Variants in NTRK3 observed in about 807,000 individuals in gnomAD.
NTRK3 encodes the protein neurotrophic receptor tyrosine kinase 3, also known as NT-3 growth factor receptor.
Under a neutral mutation model 91.7 loss-of-function variants are expected in NTRK3, and 24 were observed. That is an observed-to-expected ratio of 0.26 (90% CI 0.19 to 0.37). The LOEUF (loss-of-function observed/expected upper bound fraction) is 0.37, where lower values mean the gene tolerates loss of function less well. Ranked by LOEUF, NTRK3 falls within the 10% of genes least tolerant of loss-of-function variation. The pLI, the probability that NTRK3 is intolerant of heterozygous loss-of-function variation, is 1.00. For missense variants in NTRK3, 880 were observed against 1,068.9 expected, an observed-to-expected ratio of 0.82 and a Z score of 2.46; for synonymous variants, 483 against 404.0, an observed-to-expected ratio of 1.20 and a Z score of -2.34.
intron 13 of NTRK3, among the ~76,000 whole-genome samples, chr15:88,063,508 G>A (rs971989057): frequency 6.6e-6 from 1 of 152,212 alleles, no homozygotes; most frequent in African/African-American, 2.4e-5. Context: ...GTGTCTCTCT[G>A]CTGTGATCGC....
chr15:88,169,247 G>A (rs1171240070), intron 5 of NTRK3, among the ~76,000 whole-genome samples: 1 of 152,170 alleles, frequency 6.6e-6, no homozygotes, highest in Non-Finnish European at 1.5e-5. Flanking sequence ...AAGAACATCA[G>A]AGGCACATTT....
intron 3 of NTRK3, among the ~76,000 whole-genome samples, chr15:88,212,854 A>T (rs186156385): frequency 6.6e-6 from 1 of 152,274 alleles, no homozygotes; most frequent in East Asian, 1.9e-4. Context: ...CCCATGCCTG[A>T]AGGGGAAATG....
In NTRK3 at chr15:88,235,300, C is replaced by A. The variant is rs2051598332; in HGVS notation, c.248+20606G>T. ...GGCCTGTGTCGCTGTCTACCCTACC[C>A]ACAATAGCCTCCAGGCTCTGAGCTG... On this transcript the variant is annotated intron_variant, in intron 3 of 18. Coordinates refer to ENST00000394480, the Ensembl canonical transcript of NTRK3. The surrounding 1 kb of genome is among the most constrained non-coding windows in gnomAD (Gnocchi z 5.2). Among the ~76,000 whole-genome samples, 1 of 152,220 alleles carries A rather than the reference C, an allele frequency of 6.6e-6. No individual in the cohort carries two copies. Among genetic ancestry groups the A allele is most frequent in the Non-Finnish European group, 1.5e-5 (1 of 68,046 alleles).
intron 3 of NTRK3, among the ~76,000 whole-genome samples, chr15:88,204,395 T>C (rs895117176): frequency 1.5e-5 from 1 of 67,988 alleles, no homozygotes; most frequent in East Asian, 5.1e-4. Flanking sequence ...CCACTGTCTA[T>C]AAAAAAATCA....
chr15:87,978,244 G>A (rs2073900565), intron 14 of NTRK3: 1 of 231,092 alleles, frequency 4.3e-6, no homozygotes, highest in Non-Finnish European at 8.6e-6. Context: ...GGGAGAGGGT[G>A]GCCATGGAGT....
At chr15:88,120,469 T>C (rs1258109048) in intron 13 of NTRK3, among the ~76,000 whole-genome samples, 1 of 152,244 alleles carries the variant, frequency 6.6e-6, no homozygotes, top group African/African-American at 2.4e-5. Context: ...AGGCAAGTGG[T>C]TGCTGATGAG....
intron 8 of NTRK3, 44 bp from the exon 9 acceptor site, chr15:88,136,084 AGGATGGC>A: frequency 6.2e-7 from 1 of 1,611,766 alleles, no homozygotes; most frequent in Non-Finnish European, 8.5e-7. Flanking sequence ...AGCTTCTACA[AGGATGGC>A]TCTGCTACCT....
intron 13 of NTRK3, among the ~76,000 whole-genome samples, chr15:88,034,730 C>T (rs1438342061): frequency 3.3e-5 from 5 of 152,162 alleles, no homozygotes; most frequent in Admixed American, 1.3e-4. Flanking sequence ...AAATGGAGGA[C>T]CCTGAATTCC....
intron 14 of NTRK3, among the ~76,000 whole-genome samples, chr15:87,975,369 G>A (rs144280244): frequency 8.9e-4 from 136 of 152,240 alleles, no homozygotes; most frequent in African/African-American, 2.8e-3. Context: ...TCCAGGGAGC[G>A]CCTGGCAAGC....
At chr15:88,067,607 A>G (rs561199370) in intron 13 of NTRK3, among the ~76,000 whole-genome samples, 2 of 152,334 alleles carry the variant, frequency 1.3e-5, no homozygotes, top group South Asian at 4.1e-4. Flanking sequence ...GGGAAAACCA[A>G]GAGGTCAGAG....
At position 88,235,125 on chromosome 15, in the gene NTRK3, G is replaced by A. The variant is rs1012144329; in HGVS notation, c.248+20781C>T. ...GCCTCATAACAGAGCACTCTGTTGA[G>A]TACCTTCACGGAACTTCTTACTCCT... On this transcript the variant is annotated intron_variant, in intron 3 of 18. Transcript: ENST00000394480. The surrounding 1 kb of genome is among the most constrained non-coding windows in gnomAD (Gnocchi z 5.2). Among the ~76,000 whole-genome samples, 1 of 152,188 alleles carries A rather than the reference G, an allele frequency of 6.6e-6. No homozygotes were observed. Among genetic ancestry groups the A allele is most frequent in the Non-Finnish European group, 1.5e-5 (1 of 68,030 alleles).
At chr15:88,063,623 T>TA (rs2046401160) in intron 13 of NTRK3, among the ~76,000 whole-genome samples, 1 of 152,110 alleles carries the variant, frequency 6.6e-6, no homozygotes, top group Admixed American at 6.5e-5. Flanking sequence ...GGACAGTGAG[T>TA]GTGTCCATCA....
chr15:88,066,239 G>A (rs565153866), intron 13 of NTRK3, among the ~76,000 whole-genome samples: 2 of 152,358 alleles, frequency 1.3e-5, no homozygotes, highest in African/African-American at 2.4e-5. Flanking sequence ...CGTCAGACAT[G>A]TAGGGAGAAT....
At chr15:87,876,137 A>C (rs1454687358) in exon 19 of NTRK3, 1 of 232,706 alleles carries the variant, frequency 4.3e-6, no homozygotes, top group Non-Finnish European at 8.5e-6. Flanking sequence ...AGTTCTGAGA[A>C]TAGAAAGACA....
chr15:87,926,792 A>G (rs1255774172), intron 17 of NTRK3: 2 of 152,242 alleles, frequency 1.3e-5, no homozygotes, highest in African/African-American at 4.8e-5. Flanking sequence ...CTGAGACTCC[A>G]GTGAAGTCAG....
chr15:88,015,147 C>G (rs562975101), intron 14 of NTRK3, among the ~76,000 whole-genome samples: 2 of 152,298 alleles, frequency 1.3e-5, no homozygotes, highest in South Asian at 4.1e-4. Context: ...GAGAGAATAA[C>G]TTGCTACTTT....
At chr15:88,145,629 T>C (rs2042819756) in intron 6 of NTRK3, among the ~76,000 whole-genome samples, 2 of 152,216 alleles carry the variant, frequency 1.3e-5, no homozygotes, top group Admixed American at 1.3e-4. Flanking sequence ...CAGCACACCA[T>C]TGATTTCACA....
intron 5 of NTRK3, among the ~76,000 whole-genome samples, chr15:88,166,406 C>T (rs2044952050): frequency 6.6e-6 from 1 of 152,126 alleles, no homozygotes; most frequent in Non-Finnish European, 1.5e-5. Flanking sequence ...CAGTGGCATT[C>T]GCTTAAGGAC....
chr15:88,184,651 T>C (rs2046806048), intron 3 of NTRK3, among the ~76,000 whole-genome samples: 1 of 152,230 alleles, frequency 6.6e-6, no homozygotes. Context: ...TCTTTCTTTT[T>C]CCTATTCAGA....
Sources: allele counts gnomAD v4.1 joint callset (sites outside exome capture counted in the v4.1 genomes callset), GRCh38; gene constraint gnomAD v4.1.1; non-coding constraint Gnocchi (gnomAD v3.1); transcripts MANE v1.5; gene names NCBI Gene and HGNC (gene_info 2026-07-23, HGNC 2026-07-21).